Variants in MTERF3 observed in about 807,000 individuals in gnomAD.
The protein encoded by MTERF3 is transcription termination factor 3, mitochondrial.
A neutral mutation model predicts 40.5 loss-of-function variants in MTERF3; 40 were observed. The ratio of observed to expected loss-of-function variants is 0.99; its 90% CI spans 0.77 to 1.29. The LOEUF is 1.29. Among genes scored for constraint, MTERF3 ranks in the 50% most tolerant of loss-of-function variants. MTERF3 has a pLI of 0.00. For synonymous variants in MTERF3, 158 were observed against 166.6 expected (o/e 0.95, Z 0.40); for missense variants, 452 against 478.2 (o/e 0.95, Z 0.51).
chr8:96,250,668 GA>G (rs1300773784), intron 4 of MTERF3, among the ~76,000 whole-genome samples: 1 of 42,748 alleles, frequency 2.3e-5, no homozygotes, highest in African/African-American at 1.0e-4. Context: ...AGAAGAAGAA[GA>G]AGAAGAAGAA....
intron 7 of MTERF3, among the ~76,000 whole-genome samples, chr8:96,242,303 G>A (rs1222622536): frequency 6.6e-6 from 1 of 152,084 alleles, no homozygotes; most frequent in Non-Finnish European, 1.5e-5. Context: ...AAGGGTTTGG[G>A]GTGCCTAAAA....
intron 3 of MTERF3, among the ~76,000 whole-genome samples, chr8:96,256,338 C>T (rs1466148699): frequency 6.6e-6 from 1 of 152,100 alleles, no homozygotes; most frequent in Non-Finnish European, 1.5e-5. Flanking sequence ...GAACAATCCA[C>T]TCTGGAGAAA....
intron 1 of MTERF3, among the ~76,000 whole-genome samples, chr8:96,260,857 T>C (rs1040991102): frequency 6.6e-6 from 1 of 152,204 alleles, no homozygotes; most frequent in African/African-American, 2.4e-5. Flanking sequence ...TTCTCCACTT[T>C]CCCAGAGCCT....
At chr8:96,261,365 A>T (rs1810383917) in intron 1 of MTERF3, 136 bp downstream of exon 1, 4 of 152,316 alleles carry the variant, frequency 2.6e-5, no homozygotes, top group Admixed American at 2.6e-4. Flanking sequence ...ACACAAAACA[A>T]AACCAATCAC....
intron 4 of MTERF3, 75 bp from the exon 5 acceptor site, chr8:96,246,529 T>C: frequency 7.6e-7 from 1 of 1,318,858 alleles, no homozygotes; most frequent in Non-Finnish European, 1.0e-6. Flanking sequence ...CTCATGCTAC[T>C]TCCCAAAGTA....
At chr8:96,250,650 G>GAAAGAAAGAAAGAAAGAAAGA (rs534630835) in intron 4 of MTERF3, among the ~76,000 whole-genome samples, 1 of 27,520 alleles carries the variant, frequency 3.6e-5, no homozygotes, top group East Asian at 6.7e-4. Flanking sequence ...AGAAGAAGAA[G>GAAAGAAAGAAAGAAAGAAAGA]AAGAAGAAGA....
rs1563548953 is a variant in MTERF3 at position 96,250,665 on chromosome 8, GAAGAAGAAGAAGA to G, written c.677+228_677+240del. ...AGAAGAAGAAGAAGAAGAAGAAGAA[GAAGAAGAAGAAGA>G]AGAAGGAGGAGGAGGAGGGGGGGAG... On this transcript the variant is annotated intron_variant, in intron 4 of 7. Coordinates refer to ENST00000287025, the MANE Select transcript of MTERF3 (RefSeq NM_015942.5). Among the ~76,000 whole-genome samples, 14 of 37,736 alleles carry G rather than the reference GAAGAAGAAGAAGA, an allele frequency of 3.7e-4. 1 individual carries two copies. The highest frequency in any genetic ancestry group is 1.5e-3 in the African/African-American group (14 of 9,294). The allele number at this position is 37,736 out of a possible 152,430, so 24.8% of individuals were successfully genotyped here. A position where few individuals can be genotyped will look rare whatever the true frequency, so the allele number is the denominator to read the frequency against.
chr8:96,260,341 G>A lies in MTERF3; in HGVS notation c.-11+1160C>T, dbSNP rs936545587. On this transcript the variant is annotated intron_variant, in intron 1 of 7. Coordinates refer to ENST00000287025, the MANE Select transcript of MTERF3 (RefSeq NM_015942.5). Reference sequence around the variant, plus strand: ...AACCTACAACATTCATTCTCTGCACGGTAGTCATAAGGGCACTAAATTGAA... The same window carrying A: ...AACCTACAACATTCATTCTCTGCACAGTAGTCATAAGGGCACTAAATTGAA... 5 of 151,468 alleles carry A rather than the reference G, an allele frequency of 3.3e-5. No homozygotes were observed. The South Asian group carries it at 6.3e-4, about 19-fold the overall frequency. 9.4% of individuals were successfully genotyped at this position (151,468 alleles called of 1,614,324 possible). A position where few individuals can be genotyped will look rare whatever the true frequency, so the allele number is the denominator to read the frequency against.
chr8:96,250,633 A>AAGG (rs1586168498), intron 4 of MTERF3, among the ~76,000 whole-genome samples: 1 of 25,242 alleles, frequency 4.0e-5, no homozygotes, highest in Middle Eastern at 0.013. Context: ...GAAGAAGAAG[A>AAGG]AGAAGAAGAA....
chr8:96,246,192 A>G (rs1273129176), intron 5 of MTERF3, 115 bp downstream of exon 5: 4 of 1,053,082 alleles, frequency 3.8e-6, no homozygotes, highest in Non-Finnish European at 4.0e-6. Flanking sequence ...TTGTACAAAA[A>G]ATACCAGGAA....
At chr8:96,259,020 A>G (rs1422827290) in intron 1 of MTERF3, among the ~76,000 whole-genome samples, 1 of 152,356 alleles carries the variant, frequency 6.6e-6, no homozygotes, top group East Asian at 1.9e-4. Context: ...TGTTCAAGTG[A>G]CAGCAGACCT....
intron 7 of MTERF3, among the ~76,000 whole-genome samples, chr8:96,242,321 T>C (rs1009791723): frequency 6.6e-6 from 1 of 152,204 alleles, no homozygotes; most frequent in African/African-American, 2.4e-5. Context: ...AAATCTGTGT[T>C]TTTAAGTGAT....
At chr8:96,240,284 C>T (rs1809901887) in intron 7 of MTERF3, among the ~76,000 whole-genome samples, 1 of 151,746 alleles carries the variant, frequency 6.6e-6, no homozygotes, top group African/African-American at 2.4e-5. Flanking sequence ...AAGCCTCACC[C>T]CAAAACTACT....
At chr8:96,251,217 A>G in intron 3 of MTERF3, 122 bp from the exon 4 acceptor site, 1 of 666,652 alleles carries the variant, frequency 1.5e-6, no homozygotes, top group Non-Finnish European at 2.3e-6. Context: ...ACTGAGATAG[A>G]TCAATAGAAA....
chr8:96,239,572 T>G lies in MTERF3; in HGVS notation c.1173A>C (p.Val391=). ...KPNYISLDKL[V]SIPDEIFCEE... ...CACAAAATATTTCATCAGGAATAGA[T>G]ACTAGTTTGTCCAAAGAGATGTAGT... Residue 391 remains valine, a synonymous_variant, in exon 8 of 8, where the codon GTA becomes GTC. Transcript: ENST00000287025. 6.2e-7 allele frequency: 1 copy of G among 1,613,330 alleles called. No homozygotes were observed. The highest frequency in any genetic ancestry group is 8.5e-7 in the Non-Finnish European group (1 of 1,179,740).
intron 4 of MTERF3, among the ~76,000 whole-genome samples, chr8:96,250,066 C>T (rs747590428): frequency 5.3e-5 from 8 of 152,056 alleles, no homozygotes; most frequent in Non-Finnish European, 1.0e-4. Context: ...AGATCAATAT[C>T]TCACTGTATT....
intron 3 of MTERF3, among the ~76,000 whole-genome samples, chr8:96,252,283 T>C (rs1810199890): frequency 6.6e-6 from 1 of 152,204 alleles, no homozygotes; most frequent in Non-Finnish European, 1.5e-5. Flanking sequence ...AATGTTATTA[T>C]ACAAACAATA....
At chr8:96,246,636 T>C (rs141594197) in intron 4 of MTERF3, among the ~76,000 whole-genome samples, 182 bp from the exon 5 acceptor site, 1,963 of 152,272 alleles carry the variant, frequency 0.013, 48 homozygotes, top group African/African-American at 0.042. Context: ...AAAACAAGCA[T>C]TCACCCAACT....
intron 2 of MTERF3, among the ~76,000 whole-genome samples, chr8:96,257,513 A>T (rs1049872351): frequency 6.6e-6 from 1 of 152,164 alleles, no homozygotes; most frequent in Non-Finnish European, 1.5e-5. Flanking sequence ...CATATCCCGA[A>T]AGTCTTTGTT....
Sources: gnomAD v4.1 joint callset for allele counts (sites outside exome capture counted in the v4.1 genomes callset) on GRCh38, gnomAD v4.1.1 for gene constraint, MANE v1.5 for transcripts, NCBI Gene and HGNC (gene_info 2026-07-23, HGNC 2026-07-21) for gene names.